ABCA12: variants seen among roughly 807,000 people sequenced by gnomAD.
ABCA12 encodes the protein ATP binding cassette subfamily A member 12.
ABCA12 carries 156 observed loss-of-function variants against 293.5 expected under a neutral mutation model. That is an observed-to-expected ratio of 0.53 (90% CI 0.47 to 0.61). ABCA12 has a LOEUF of 0.61. Among genes scored for constraint, ABCA12 ranks in the 20% least tolerant of loss-of-function variants. The probability of loss-of-function intolerance (pLI) is 0.00; values close to 1 mark genes in which losing one functional copy is unlikely to be tolerated. For missense variants in ABCA12, 2,797 were observed against 3,090.2 expected (o/e 0.91, Z 2.25); for synonymous variants, 1,063 against 1,108.0 (o/e 0.96, Z 0.81).
chr2:215,072,829 G>A (rs1701762845), intron 2 of ABCA12, among the ~76,000 whole-genome samples: 1 of 152,322 alleles, frequency 6.6e-6, no homozygotes, highest in African/African-American at 2.4e-5. Flanking sequence ...AGGCGCGGTG[G>A]CTCACGCCTG....
intron 51 of ABCA12, among the ~76,000 whole-genome samples, chr2:214,935,004 CT>C (rs138944263): frequency 0.015 from 2,253 of 152,264 alleles, 53 homozygotes; most frequent in African/African-American, 0.051. Context: ...CTGGGATAAT[CT>C]TTGCTGATAC....
At chr2:215,095,078 A>ATTTTG (rs370956848) in intron 2 of ABCA12, among the ~76,000 whole-genome samples, 25 of 151,954 alleles carry the variant, frequency 1.6e-4, no homozygotes, top group African/African-American at 4.4e-4. Flanking sequence ...CTTCACTACT[A>ATTTTG]TTTTGTTTTG....
intron 20 of ABCA12, 150 bp downstream of exon 20, chr2:215,004,059 G>T: frequency 1.6e-6 from 1 of 643,500 alleles, no homozygotes; most frequent in East Asian, 2.8e-5. Flanking sequence ...AAGAAGATAG[G>T]GGGGATATAT....
intron 6 of ABCA12, among the ~76,000 whole-genome samples, chr2:215,048,549 A>AAT (rs1282015072): frequency 6.6e-6 from 1 of 151,746 alleles, no homozygotes; most frequent in East Asian, 1.9e-4. Context: ...ACAAAAAAAA[A>AAT]AAAATTAGCT....
chr2:215,131,815 C>G (rs1040450283), intron 1 of ABCA12, among the ~76,000 whole-genome samples: 1 of 147,110 alleles, frequency 6.8e-6, no homozygotes, highest in Non-Finnish European at 1.5e-5. Context: ...CTAGTACCTT[C>G]AAGTGTGATG....
intron 1 of ABCA12, among the ~76,000 whole-genome samples, chr2:215,112,989 C>A (rs1702609103): frequency 6.6e-6 from 1 of 152,080 alleles, no homozygotes; most frequent in Admixed American, 6.5e-5. Flanking sequence ...GTGCTAAAAC[C>A]AAACCACAGG....
At chr2:214,963,728 G>T (rs1699178964) in intron 39 of ABCA12, among the ~76,000 whole-genome samples, 1 of 151,098 alleles carries the variant, frequency 6.6e-6, no homozygotes, top group African/African-American at 2.4e-5. Flanking sequence ...AGCCTGCCCG[G>T]TAGAGACATG....
At chr2:215,092,346 T>C (rs1253630341) in intron 2 of ABCA12, among the ~76,000 whole-genome samples, 3 of 152,122 alleles carry the variant, frequency 2.0e-5, no homozygotes, top group Admixed American at 6.5e-5. Context: ...AGTTCCCTTA[T>C]TAGATCGAGA....
intron 1 of ABCA12, among the ~76,000 whole-genome samples, chr2:215,117,438 A>C (rs1235613154): frequency 6.6e-6 from 1 of 152,242 alleles, no homozygotes; most frequent in Non-Finnish European, 1.5e-5. Context: ...TGTAAATTCA[A>C]TGCAAAATTT....
intron 2 of ABCA12, among the ~76,000 whole-genome samples, chr2:215,102,920 T>G (rs1702387830): frequency 6.6e-6 from 1 of 152,212 alleles, no homozygotes; most frequent in Non-Finnish European, 1.5e-5. Context: ...ATTTTGTTCA[T>G]CATAAGGTTT....
intron 50 of ABCA12, among the ~76,000 whole-genome samples, chr2:214,937,929 G>T (rs1698271953): frequency 2.6e-5 from 4 of 152,042 alleles, no homozygotes; most frequent in African/African-American, 9.7e-5. Flanking sequence ...AATTTCTGCA[G>T]TTAAATACTT....
intron 1 of ABCA12, among the ~76,000 whole-genome samples, chr2:215,120,232 G>T (rs943994872): frequency 6.6e-5 from 10 of 152,052 alleles, no homozygotes; most frequent in African/African-American, 2.4e-4. Flanking sequence ...GAGCGCTTAT[G>T]GACACACACA....
chr2:215,050,851 G>T, intron 5 of ABCA12: 1 of 984,242 alleles, frequency 1.0e-6, no homozygotes, highest in East Asian at 1.1e-4. Context: ...TAAAGAGAAA[G>T]AAAGAGGAAT....
rs141036904 is a variant in ABCA12, at chr2:214,975,945, G to A, written c.5221C>T (p.Arg1741Cys). 9.7e-5 allele frequency: 156 copies of A among 1,614,088 alleles called. No homozygotes were observed. The African/African-American group carries it at 1.8e-3, about 19-fold the overall frequency. The change falls in exon 34 of 53, where the codon CGC (arginine) becomes TGC (cysteine). Residue 1741 changes from arginine (R) to cysteine (C), a missense_variant. Transcript: ENST00000272895. ...AILIKRFHHT[R>C]RNWKGLIAQV... is the part of the protein sequence containing the mutation. ...GCAATGAGACCTTTCCAGTTCCTGC[G>A]GGTGTGGTGGAACCTCTTGATGAGT...
rs1456694716 is a variant in ABCA12, at chr2:215,134,612, T to TAGAG, written c.69+3527_69+3528insCTCT. Among the ~76,000 whole-genome samples the TAGAG allele has an allele frequency of 4.4e-5, 4 of 91,634 alleles. 1 individual carries two copies. Among genetic ancestry groups the TAGAG allele is most frequent in the African/African-American group, 1.6e-4 (2 of 12,472 alleles). The allele number at this position is 91,634 out of a possible 152,430, so 60.1% of individuals were successfully genotyped here. On this transcript the variant is annotated intron_variant, in intron 1 of 52. Coordinates refer to ENST00000272895, the MANE Select transcript of ABCA12 (RefSeq NM_173076.3). ...CTCTCTCTCTCTCTATATATATATA[T>TAGAG]ATATAGAGAGAGAGAGAGAGAGAGA... is the stretch of plus-strand genomic sequence containing the variant.
intron 1 of ABCA12, among the ~76,000 whole-genome samples, chr2:215,113,167 C>T (rs1374135487): frequency 6.6e-6 from 1 of 152,196 alleles, no homozygotes; most frequent in East Asian, 1.9e-4. Flanking sequence ...CCATGAATTA[C>T]TGATCCTTAA....
chr2:215,000,705 T>C lies in ABCA12; in HGVS notation c.3179A>G (p.Asn1060Ser). 6.2e-7 allele frequency: 1 copy of C among 1,613,950 alleles called. No individual in the cohort carries two copies. Among genetic ancestry groups the C allele is most frequent in the Non-Finnish European group, 8.5e-7 (1 of 1,179,912 alleles). The change falls in exon 22 of 53, where the codon AAC becomes AGC. Residue 1060 changes from asparagine to serine, a missense_variant and splice_region_variant. Coordinates refer to ENST00000272895, the MANE Select transcript of ABCA12 (RefSeq NM_173076.3). ...AIPYPCFMKDNFLTSVSYSLP... is the reference protein window; with the variant it reads ...AIPYPCFMKDSFLTSVSYSLP... ...AAAGGCTGGAAGTGCACACACTTACTTGTCTTTCATGAAGCAGGGATAAGG... is the reference window on the plus strand; with the variant it reads ...AAAGGCTGGAAGTGCACACACTTACCTGTCTTTCATGAAGCAGGGATAAGG...
At position 214,958,235 on chromosome 2, in the gene ABCA12, T is replaced by C. The variant is rs1212506267; in HGVS notation, c.6117+42A>G. The C allele has an allele frequency of 3.1e-6, 5 of 1,611,518 alleles. No homozygotes were observed. In the East Asian group the frequency reaches 6.7e-5, roughly 22 times the overall value. On this transcript the variant is annotated intron_variant, in intron 41 of 52. Coordinates refer to ENST00000272895, the MANE Select transcript of ABCA12 (RefSeq NM_173076.3). ...AGAAAACTGATGTCTTCTATCCAAA[T>C]TGATCTTTTATTCCCTGCAATGAAG... is the stretch of plus-strand genomic sequence containing the variant.
chr2:215,094,811 C>T (rs1702217983), intron 2 of ABCA12, among the ~76,000 whole-genome samples: 1 of 152,166 alleles, frequency 6.6e-6, no homozygotes, highest in African/African-American at 2.4e-5. Flanking sequence ...CCCATTACAA[C>T]CTCTAACAGC....
Sources: allele counts gnomAD v4.1 joint callset (sites outside exome capture counted in the v4.1 genomes callset), GRCh38; gene constraint gnomAD v4.1.1; transcripts MANE v1.5; gene names NCBI Gene and HGNC (gene_info 2026-07-23, HGNC 2026-07-21).